Variants in DPP6 observed in about 807,000 individuals in gnomAD.
The protein encoded by DPP6 is dipeptidyl peptidase like 6, also known as A-type potassium channel modulatory protein DPP6.
DPP6 carries 69 observed loss-of-function variants against 122.6 expected under a neutral mutation model. The observed-to-expected ratio is 0.56, with a 90% CI of 0.46 to 0.69. The LOEUF is 0.69. Among genes scored for constraint, DPP6 ranks in the 30% least tolerant of loss-of-function variants. The pLI, the probability that DPP6 is intolerant of heterozygous loss-of-function variation, is 0.00. For missense variants in DPP6, 928 were observed against 1,116.9 expected (o/e 0.83, Z 2.41); for synonymous variants, 418 against 433.1 (o/e 0.97, Z 0.43).
chr7:154,096,396 C>G (rs1302735512), intron 1 of DPP6, among the ~76,000 whole-genome samples: 3 of 123,336 alleles, frequency 2.4e-5, no homozygotes, highest in African/African-American at 9.5e-5. Flanking sequence ...AATTCCAGTT[C>G]TAGAAAATGG....
intron 1 of DPP6, among the ~76,000 whole-genome samples, chr7:154,313,716 C>CATATGTATATATATATATACGCAT (rs1563460534): frequency 4.5e-5 from 1 of 22,304 alleles, no homozygotes; most frequent in African/African-American, 1.1e-4. Flanking sequence ...TATATATATA[C>CATATGTATATATATATATACGCAT]ACACACACGC....
chr7:154,419,924 G>A (rs541478224), intron 1 of DPP6, among the ~76,000 whole-genome samples: 14 of 152,296 alleles, frequency 9.2e-5, no homozygotes, highest in South Asian at 8.3e-4. Flanking sequence ...CACGGCAGCC[G>A]AGGTGTGGAA....
chr7:154,463,236 C>T, intron 2 of DPP6, among the ~76,000 whole-genome samples: 1 of 108,462 alleles, frequency 9.2e-6, no homozygotes, highest in Non-Finnish European at 1.7e-5. Flanking sequence ...GAGACGGAGT[C>T]TCGCTCTGTC....
the DPP6 span, among the ~76,000 whole-genome samples, chr7:153,773,078 G>C: frequency 4.7e-5 from 7 of 147,488 alleles, 1 homozygote; most frequent in African/African-American, 7.4e-5. Flanking sequence ...ATTATCAGAA[G>C]CAAACAGGGG....
At chr7:154,537,944 A>T (rs955648058) in intron 3 of DPP6, among the ~76,000 whole-genome samples, 1 of 152,130 alleles carries the variant, frequency 6.6e-6, no homozygotes, top group Non-Finnish European at 1.5e-5. Context: ...GAGAACTAAG[A>T]GCCAAGACAG....
At chr7:154,855,989 C>T (rs533594080) in intron 17 of DPP6, among the ~76,000 whole-genome samples, 4 of 152,266 alleles carry the variant, frequency 2.6e-5, no homozygotes, top group African/African-American at 7.2e-5. Flanking sequence ...TGCAGCCTCC[C>T]GGGTTAGCTG....
At chr7:154,453,550 A>T (rs1345915644) in intron 2 of DPP6, among the ~76,000 whole-genome samples, 2 of 149,686 alleles carry the variant, frequency 1.3e-5, no homozygotes, top group Admixed American at 1.3e-4. Context: ...AATATTATAT[A>T]GATATTAAAT....
intron 6 of DPP6, among the ~76,000 whole-genome samples, chr7:154,655,027 A>C (rs577009193): frequency 6.6e-6 from 1 of 152,328 alleles, no homozygotes; most frequent in African/African-American, 2.4e-5. Context: ...TTTATTGAGC[A>C]TCTACCATGT....
chr7:154,632,207 T>C (rs10244476), intron 5 of DPP6, among the ~76,000 whole-genome samples: 121,224 of 152,172 alleles, frequency 0.8, 48,420 homozygotes, highest in East Asian at 0.92. Context: ...CTCCACTGGT[T>C]ATAATTCACA....
At chr7:154,610,068 G>C (rs1011540121) in intron 5 of DPP6, among the ~76,000 whole-genome samples, 1 of 152,180 alleles carries the variant, frequency 6.6e-6, no homozygotes, top group Admixed American at 6.5e-5. Flanking sequence ...CGGTGTGTTA[G>C]ATGCTGGGTA....
intron 1 of DPP6, among the ~76,000 whole-genome samples, chr7:153,928,885 C>T (rs933373550): frequency 1.9e-4 from 29 of 152,026 alleles, no homozygotes; most frequent in African/African-American, 7.0e-4. Context: ...GAGTCCATGC[C>T]GAGGGAGCAA....
intron 5 of DPP6, among the ~76,000 whole-genome samples, chr7:154,581,066 A>G (rs1832033941): frequency 6.6e-6 from 1 of 151,998 alleles, no homozygotes; most frequent in African/African-American, 2.4e-5. Context: ...ATTTCTTGGA[A>G]GTTTTTTAAG....
chr7:153,889,853 G>A (rs573281201), intron 1 of DPP6, among the ~76,000 whole-genome samples: 1 of 152,310 alleles, frequency 6.6e-6, no homozygotes, highest in South Asian at 2.1e-4. Flanking sequence ...AACTTTGAAT[G>A]TTCTTATCAA....
chr7:154,240,993 G>C (rs1436249917), intron 1 of DPP6, among the ~76,000 whole-genome samples: 2 of 152,072 alleles, frequency 1.3e-5, no homozygotes, highest in Non-Finnish European at 2.9e-5. Context: ...TGTGATTTAA[G>C]GAATTCAACC....
At chr7:154,089,386 G>C (rs1458102754) in intron 1 of DPP6, among the ~76,000 whole-genome samples, 2 of 137,580 alleles carry the variant, frequency 1.5e-5, no homozygotes, top group Non-Finnish European at 3.1e-5. Context: ...GTGGATTTTA[G>C]AACTAGGTAG....
At chr7:154,453,551 G>T (rs1284894087) in intron 2 of DPP6, among the ~76,000 whole-genome samples, 2 of 149,396 alleles carry the variant, frequency 1.3e-5, no homozygotes, top group Admixed American at 1.3e-4. Flanking sequence ...ATATTATATA[G>T]ATATTAAATA....
chr7:154,333,622 A>AT (rs1276404678), intron 1 of DPP6, among the ~76,000 whole-genome samples: 1 of 152,200 alleles, frequency 6.6e-6, no homozygotes, highest in Non-Finnish European at 1.5e-5. Context: ...TGTAGAGAAT[A>AT]TTGGTGAAGC....
chr7:154,374,458 G>GAC (rs1812940783), intron 1 of DPP6, among the ~76,000 whole-genome samples: 1 of 152,110 alleles, frequency 6.6e-6, no homozygotes, highest in Non-Finnish European at 1.5e-5. Context: ...GGAGTGCATT[G>GAC]ACACGTGCAG....
chr7:154,593,869 C>G (rs1271053311), intron 5 of DPP6, among the ~76,000 whole-genome samples: 1 of 152,200 alleles, frequency 6.6e-6, no homozygotes, highest in African/African-American at 2.4e-5. Flanking sequence ...ATTTTCACAG[C>G]TAGATCTTGT....
Sources: gnomAD v4.1 joint callset for allele counts (sites outside exome capture counted in the v4.1 genomes callset) on GRCh38, gnomAD v4.1.1 for gene constraint, MANE v1.5 for transcripts, NCBI Gene and HGNC (gene_info 2026-07-23, HGNC 2026-07-21) for gene names.